NUTM2F: variants seen among roughly 807,000 people sequenced by gnomAD.
NUTM2F encodes NUT family member 2F, also known as family with sequence similarity 22, member F.
NUTM2F carries 22 observed loss-of-function variants against 43.3 expected under a neutral mutation model. The ratio of observed to expected loss-of-function variants is 0.51; its 90% confidence interval spans 0.36 to 0.73. The LOEUF is 0.73. NUTM2F is among the 30% of genes least tolerant of loss of function. The pLI, the probability that NUTM2F is intolerant of heterozygous loss-of-function variation, is 0.00. For synonymous variants in NUTM2F, 202 were observed against 389.0 expected (o/e 0.52, Z 5.66); for missense variants, 488 against 927.4 (o/e 0.53, Z 6.15).
chr9:94,318,739 C>G lies in NUTM2F; in HGVS notation c.1997G>C (p.Ser666Thr). The change falls in exon 7 of 7, where the codon AGC becomes ACC. Residue 666 changes from serine (S) to threonine (T), a missense_variant. Physicochemically the swap from Ser to Thr is moderately conservative, Grantham distance 58. Coordinates refer to ENST00000253262, the MANE Select transcript of NUTM2F (RefSeq NM_017561.2). ...QSPVPSSGLLSPGGRGPQGAL... is the reference protein window; with the variant it reads ...QSPVPSSGLLTPGGRGPQGAL... ...TCCCTGGGGTCCTCTCCCTCCTGGG[C>G]TGAGAAGGCCCGAGGAAGGGACAGG... The G allele has an allele frequency of 6.3e-7, 1 of 1,586,394 alleles. No individual in the cohort carries two copies. The highest frequency in any genetic ancestry group is 8.6e-7 in the Non-Finnish European group (1 of 1,165,358).
At chr9:94,326,730 C>T (rs1831455775) in intron 1 of NUTM2F, among the ~76,000 whole-genome samples, 1 of 113,382 alleles carries the variant, frequency 8.8e-6, no homozygotes. Context: ...GGTGACAGAG[C>T]GAGACTCCGT....
At chr9:94,321,294 G>A in intron 3 of NUTM2F, 62 bp from the exon 4 acceptor site, 1 of 1,541,224 alleles carries the variant, frequency 6.5e-7, no homozygotes, top group South Asian at 1.2e-5. Flanking sequence ...CCCAGGACCA[G>A]GCAGCAGCTG....
chr9:94,321,295 G>A (rs1831363335), intron 3 of NUTM2F, 63 bp from the exon 4 acceptor site: 1 of 1,540,978 alleles, frequency 6.5e-7, no homozygotes, highest in Admixed American at 1.9e-5. Flanking sequence ...CCAGGACCAG[G>A]CAGCAGCTGA....
In NUTM2F at chr9:94,320,235, C is replaced by G; in HGVS notation, c.1341G>C (p.Leu447=). ...TGGTGACAAAGTCTTCCTGGGAACA[C>G]AGCTTGTCAATGTAGCTCAGGAGGC... ...DPGLLSYIDK[L]CSQEDFVTKV... The change falls in exon 5 of 7, where the codon CTG becomes CTC. Residue 447 remains leucine (L), a synonymous_variant. Transcript: ENST00000253262. The surrounding 1 kb of genome is among the most constrained non-coding windows in gnomAD (Gnocchi z 4.5). The G allele has an allele frequency of 6.2e-7, 1 of 1,613,914 alleles. No individual in the cohort carries two copies. Among genetic ancestry groups the G allele is most frequent in the Non-Finnish European group, 8.5e-7 (1 of 1,179,858 alleles).
At chr9:94,319,490 G>A (rs1331025665) in intron 6 of NUTM2F, 123 bp downstream of exon 6, 20 of 898,172 alleles carry the variant, frequency 2.2e-5, no homozygotes, top group African/African-American at 1.8e-4. Flanking sequence ...TTCCCACCCC[G>A]GAGTGGCTCC....
At chr9:94,324,804 A>G (rs935434036) in intron 2 of NUTM2F, among the ~76,000 whole-genome samples, 5 of 151,620 alleles carry the variant, frequency 3.3e-5, no homozygotes, top group African/African-American at 1.2e-4. Flanking sequence ...CAGCCTGACC[A>G]ACATGGAGAA....
chr9:94,322,390 G>C, intron 2 of NUTM2F, 61 bp from the exon 3 acceptor site: 1 of 1,606,268 alleles, frequency 6.2e-7, no homozygotes, highest in Non-Finnish European at 8.5e-7. Flanking sequence ...GGCCCACCTG[G>C]TCCCAACACC....
At chr9:94,324,129 G>T (rs1212004550) in intron 2 of NUTM2F, among the ~76,000 whole-genome samples, 1 of 151,894 alleles carries the variant, frequency 6.6e-6, no homozygotes, top group African/African-American at 2.4e-5. Flanking sequence ...AATTAGCTGG[G>T]CATGGTGGCG....
intron 2 of NUTM2F, among the ~76,000 whole-genome samples, chr9:94,323,927 T>C (rs185119565): frequency 0.066 from 10,112 of 152,176 alleles, 765 homozygotes; most frequent in African/African-American, 0.18. Context: ...GATGTGCCCC[T>C]GGCCATTGAC....
intron 5 of NUTM2F, 64 bp from the exon 6 acceptor site, chr9:94,319,793 C>A (rs902537495): frequency 3.1e-6 from 5 of 1,597,510 alleles, no homozygotes; most frequent in Non-Finnish European, 3.4e-6. Flanking sequence ...CCAAGGACAC[C>A]CGGAGGAGAT....
At position 94,320,847 on chromosome 9, in the gene NUTM2F, G is replaced by A. The variant is rs1831353609; in HGVS notation, c.982+246C>T. 2.6e-5 allele frequency among the ~76,000 whole-genome samples: 4 copies of A among 152,216 alleles called. No homozygotes were observed. On this transcript the variant is annotated intron_variant, in intron 4 of 6. Transcript: ENST00000253262. The surrounding 1 kb of genome is among the most constrained non-coding windows in gnomAD (Gnocchi z 4.5). ...GCTTCCTGGGCAGAGCATATGTGGA[G>A]TTTTGGACAGGCAAGGGGAGAGAGA...
intron 1 of NUTM2F, among the ~76,000 whole-genome samples, chr9:94,326,743 CAAAAAAAAAA>C (rs763429569): frequency 1.9e-4 from 17 of 90,868 alleles, no homozygotes; most frequent in African/African-American, 6.9e-4. Flanking sequence ...GACTCCGTCT[CAAAAAAAAAA>C]AAAAAAAAAA....
Position 94,322,241 on chromosome 9 carries a change from T to C in NUTM2F, c.802A>G (p.Ser268Gly). ...WQAMREWQHT[S>G]NFDRMIFYEM... is the part of the protein sequence containing the mutation. ...TAGAAGATCATCCGGTCAAAGTTGC[T>C]CGTGTGCTGCCATTCCCGCATGGCC... The change falls in exon 3 of 7, where the codon AGC (serine) becomes GGC (glycine). Residue 268 changes from serine to glycine, a missense_variant. Transcript: ENST00000253262. 2.5e-6 allele frequency: 4 copies of C among 1,612,092 alleles called. No individual in the cohort carries two copies. The highest frequency in any genetic ancestry group is 3.4e-6 in the Non-Finnish European group (4 of 1,179,886).
At chr9:94,322,632 C>CA (rs1831393916) in intron 2 of NUTM2F, among the ~76,000 whole-genome samples, 1 of 152,192 alleles carries the variant, frequency 6.6e-6, no homozygotes, top group Admixed American at 6.5e-5. Flanking sequence ...CCCTCAGTGT[C>CA]AGTGTGTCAG....
intron 2 of NUTM2F, among the ~76,000 whole-genome samples, chr9:94,323,158 C>T (rs967274634): frequency 6.6e-6 from 1 of 152,036 alleles, no homozygotes; most frequent in Admixed American, 6.6e-5. Flanking sequence ...CCCACAGGAG[C>T]CAAGGCAAAG....
chr9:94,321,276 C>T (rs1399150816), intron 3 of NUTM2F, 44 bp from the exon 4 acceptor site: 12 of 1,554,732 alleles, frequency 7.7e-6, no homozygotes, highest in Non-Finnish European at 8.6e-6. Flanking sequence ...GGGTCCAGGC[C>T]CCCTCCCCCC....
rs777792446 is a variant in NUTM2F, at chr9:94,325,669, G to C, written c.282C>G (p.Pro94=). 21 of 1,610,452 alleles carry C rather than the reference G, an allele frequency of 1.3e-5. No individual in the cohort carries two copies. Among genetic ancestry groups the C allele is most frequent in the East Asian group, 4.5e-5 (2 of 44,822 alleles). Residue 94 remains proline, a synonymous_variant, in exon 2 of 7, where the codon CCC becomes CCG. Coordinates refer to ENST00000253262, the MANE Select transcript of NUTM2F (RefSeq NM_017561.2). Reference sequence around the variant, plus strand: ...TTAGGATCAAGGTCTGTGCCTGAGGGGGCTTCACAGGCCCCACTTCTGTCC... The same window carrying C: ...TTAGGATCAAGGTCTGTGCCTGAGGCGGCTTCACAGGCCCCACTTCTGTCC... ...QMRTEVGPVK[P]PQAQTLILTQ...
In NUTM2F at chr9:94,320,644, C is replaced by T; in HGVS notation, c.983-51G>A. 1.3e-6 allele frequency: 2 copies of T among 1,512,868 alleles called. No homozygotes were observed. Among genetic ancestry groups the T allele is most frequent in the Non-Finnish European group, 1.8e-6 (2 of 1,127,146 alleles). 93.7% of individuals were successfully genotyped at this position (1,512,868 alleles called of 1,614,324 possible). The stretch of plus-strand genomic sequence containing the variant: ...GTGTGGTGAGGGCCGCTCCTCCTGC[C>T]TGCACCACACAGGGGAGGGCAGGGC... On this transcript the variant is annotated intron_variant, in intron 4 of 6. Transcript: ENST00000253262. The surrounding 1 kb of genome is among the most constrained non-coding windows in gnomAD (Gnocchi z 4.5).
chr9:94,326,708 C>T (rs1172241889), intron 1 of NUTM2F, among the ~76,000 whole-genome samples: 1 of 132,960 alleles, frequency 7.5e-6, no homozygotes, highest in Non-Finnish European at 1.5e-5. Flanking sequence ...CGTGCCACTT[C>T]ATTCCAGCCC....
Sources: allele counts gnomAD v4.1 joint callset (sites outside exome capture counted in the v4.1 genomes callset), GRCh38; gene constraint gnomAD v4.1.1; non-coding constraint Gnocchi (gnomAD v3.1); transcripts MANE v1.5; gene names NCBI Gene and HGNC (gene_info 2026-07-23, HGNC 2026-07-21).